Variants in PRKCE observed in about 807,000 individuals in gnomAD.
The protein encoded by PRKCE is protein kinase C epsilon type.
Under a neutral mutation model 85.4 loss-of-function variants are expected in PRKCE, and 16 were observed. That is an observed-to-expected ratio of 0.19 (90% CI 0.13 to 0.28). The LOEUF (loss-of-function observed/expected upper bound fraction) is 0.28, where lower values mean the gene tolerates loss of function less well. Among genes scored for constraint, PRKCE ranks in the 10% least tolerant of loss-of-function variants. The pLI, the probability that PRKCE is intolerant of heterozygous loss-of-function variation, is 1.00. For synonymous variants in PRKCE, 388 were observed against 371.5 expected (o/e 1.04, Z -0.51); for missense variants, 573 against 975.2 (o/e 0.59, Z 5.49).
intron 2 of PRKCE, among the ~76,000 whole-genome samples, chr2:45,946,878 T>C (rs2104289011): frequency 6.6e-6 from 1 of 152,374 alleles, no homozygotes; most frequent in East Asian, 1.9e-4. Flanking sequence ...TAACTGTGCA[T>C]ATGTAAAGTC....
intron 1 of PRKCE, among the ~76,000 whole-genome samples, chr2:45,815,446 C>A (rs539584876): frequency 6.6e-6 from 1 of 152,302 alleles, no homozygotes; most frequent in Admixed American, 6.5e-5. Context: ...TTGTGTCCTA[C>A]ATTCCCCTAT....
rs537532186 is a variant in PRKCE at position 45,883,005 on chromosome 2, C to T, written c.412+39942C>T. Among the ~76,000 whole-genome samples, 107 of 152,358 alleles carry T rather than the reference C, an allele frequency of 7.0e-4. No individual in the cohort carries two copies. In the South Asian group the frequency reaches 0.02, roughly 29 times the overall value. Reference sequence around the variant, plus strand: ...CACTCCCCGCAGCAATGAGTGGCGACGGCCAGTCGCTACTCAAATACTTGG... The same window carrying T: ...CACTCCCCGCAGCAATGAGTGGCGATGGCCAGTCGCTACTCAAATACTTGG... On this transcript the variant is annotated intron_variant, in intron 2 of 14. Transcript: ENST00000306156.
At chr2:46,081,260 C>T (rs1286725083) in intron 10 of PRKCE, among the ~76,000 whole-genome samples, 1 of 152,214 alleles carries the variant, frequency 6.6e-6, no homozygotes, top group Non-Finnish European at 1.5e-5. Flanking sequence ...CAGGCATGAG[C>T]CACCACACCT....
intron 2 of PRKCE, among the ~76,000 whole-genome samples, chr2:45,885,693 A>G (rs986926044): frequency 6.6e-6 from 1 of 152,206 alleles, no homozygotes; most frequent in South Asian, 2.1e-4. Flanking sequence ...CAAAGCAAAC[A>G]CTTCATCCTA....
intron 10 of PRKCE, 27 bp from the exon 11 acceptor site, chr2:46,086,181 A>T (rs780001728): frequency 3.3e-5 from 52 of 1,598,002 alleles, no homozygotes; most frequent in Non-Finnish European, 4.4e-5. Context: ...CAAATGACCC[A>T]AATGGCATTT....
chr2:45,980,654 T>C lies in PRKCE; in HGVS notation c.693+273T>C, dbSNP rs528109404. Among the ~76,000 whole-genome samples the C allele has an allele frequency of 9.9e-5, 15 of 152,258 alleles. No individual in the cohort carries two copies. The South Asian group carries it at 2.9e-3, about 29-fold the overall frequency. On this transcript the variant is annotated intron_variant, in intron 5 of 14. Transcript: ENST00000306156. ...GCCCACAAGAAAAATATGAATTCTT[T>C]TATTGCATCATCTCATCAGAACTAA...
At position 46,120,769 on chromosome 2, in the gene PRKCE, A is replaced by G. The variant is rs74909957; in HGVS notation, c.1593-24324A>G. Among the ~76,000 whole-genome samples the G allele has an allele frequency of 5.6e-3, 860 of 152,304 alleles. 10 individuals carry two copies. Among genetic ancestry groups the G allele is most frequent in the African/African-American group, 0.02 (818 of 41,564 alleles). On this transcript the variant is annotated intron_variant, in intron 11 of 14. Transcript: ENST00000306156. ...CTCAGATTGTATTGACCTTTCTTTC[A>G]AAGGATGCCACCCATGTTTCAAAAA... is the stretch of plus-strand genomic sequence containing the variant.
chr2:46,027,207 C>T (rs1383514965), intron 10 of PRKCE, among the ~76,000 whole-genome samples: 1 of 152,084 alleles, frequency 6.6e-6, no homozygotes, highest in African/African-American at 2.4e-5. Flanking sequence ...TGGTGGCACA[C>T]ACCTGTAGTC....
chr2:46,047,451 G>T (rs1001563720), intron 10 of PRKCE, among the ~76,000 whole-genome samples: 2 of 152,226 alleles, frequency 1.3e-5, no homozygotes, highest in African/African-American at 4.8e-5. Flanking sequence ...GTTCTGGGAG[G>T]TGATTGTACC....
At chr2:45,923,310 G>C (rs1698389336) in intron 2 of PRKCE, among the ~76,000 whole-genome samples, 3 of 152,196 alleles carry the variant, frequency 2.0e-5, no homozygotes, top group African/African-American at 2.4e-5. Flanking sequence ...ATAGGAGATG[G>C]GAGTGTGGAG....
intron 1 of PRKCE, among the ~76,000 whole-genome samples, chr2:45,770,250 T>A (rs755096305): frequency 3.9e-5 from 6 of 152,122 alleles, no homozygotes; most frequent in African/African-American, 9.7e-5. Flanking sequence ...TGCAGACTGG[T>A]CAGGGACAAT....
At chr2:46,066,057 A>G (rs1399068326) in intron 10 of PRKCE, among the ~76,000 whole-genome samples, 1 of 152,246 alleles carries the variant, frequency 6.6e-6, no homozygotes, top group Non-Finnish European at 1.5e-5. Flanking sequence ...GGATGCTGAC[A>G]GTCCAACTGT....
chr2:45,709,126 T>A (rs184109222), intron 1 of PRKCE, among the ~76,000 whole-genome samples: 1 of 152,360 alleles, frequency 6.6e-6, no homozygotes, highest in African/African-American at 2.4e-5. Flanking sequence ...TGGAGCTGCC[T>A]CTGGGTGTGA....
intron 1 of PRKCE, among the ~76,000 whole-genome samples, chr2:45,828,119 T>G (rs1690103166): frequency 6.6e-6 from 1 of 152,362 alleles, no homozygotes; most frequent in East Asian, 1.9e-4. Context: ...TATGACAGTT[T>G]GTTACATGAA....
chr2:45,984,755 A>T (rs1644827217), intron 6 of PRKCE, 75 bp downstream of exon 6: 1 of 1,534,564 alleles, frequency 6.5e-7, no homozygotes, highest in Non-Finnish European at 8.8e-7. Context: ...CCTGCTTTAT[A>T]AAAAACCCTT....
intron 14 of PRKCE, among the ~76,000 whole-genome samples, chr2:46,183,601 C>A (rs1680207432): frequency 6.6e-6 from 1 of 152,180 alleles, no homozygotes. Flanking sequence ...TGGACTCCAG[C>A]CCTAACTCCC....
At position 46,185,649 on chromosome 2, in the gene PRKCE, T is replaced by C. The variant is rs1680397446; in HGVS notation, c.*768T>C. On this transcript the variant is annotated 3_prime_UTR_variant, in exon 15 of 15. Coordinates refer to ENST00000306156, the MANE Select transcript of PRKCE (RefSeq NM_005400.3). This position sits in a 1 kb window ranked among gnomAD's most constrained non-coding sequence, Gnocchi z 4.7. ...GAGTTCCAGTCTGAATACAGGTAGA[T>C]ATTAAAGGGCTAATAAAAAATGAGA... 1.3e-5 allele frequency: 2 copies of C among 152,620 alleles called. No individual in the cohort carries two copies. The highest frequency in any genetic ancestry group is 6.5e-5 in the Admixed American group (1 of 15,290). The allele number at this position is 152,620 out of a possible 1,614,324, so 9.5% of individuals were successfully genotyped here.
At position 46,185,077 on chromosome 2, in the gene PRKCE, G is replaced by T. The variant is rs755892491; in HGVS notation, c.*196G>T. 1.2e-4 allele frequency: 81 copies of T among 666,088 alleles called. 1 individual carries two copies. In the East Asian group the frequency reaches 1.8e-3, roughly 15 times the overall value. 41.3% of individuals were successfully genotyped at this position (666,088 alleles called of 1,614,324 possible). On this transcript the variant is annotated 3_prime_UTR_variant, in exon 15 of 15. Coordinates refer to ENST00000306156, the MANE Select transcript of PRKCE (RefSeq NM_005400.3). This position sits in a 1 kb window ranked among gnomAD's most constrained non-coding sequence, Gnocchi z 4.7. ...CACCTGGTGACCAGAAGGCGCTCTC[G>T]GTTCTTGTCTCACCAGTAATGCAGA...
In PRKCE at chr2:46,186,966, G is replaced by A. The variant is rs1442823774; in HGVS notation, c.*2085G>A. ...CATACCAGTGAATGATGAAGAACATGAGATTAATTTAATTTATCTTCGGTA... is the reference window on the plus strand; with the variant it reads ...CATACCAGTGAATGATGAAGAACATAAGATTAATTTAATTTATCTTCGGTA... On this transcript the variant is annotated 3_prime_UTR_variant, in exon 15 of 15. Transcript: ENST00000306156. The A allele has an allele frequency of 6.6e-6, 1 of 152,360 alleles. No homozygotes were observed. Among genetic ancestry groups the A allele is most frequent in the Non-Finnish European group, 1.5e-5 (1 of 67,998 alleles). The allele number at this position is 152,360 out of a possible 1,614,324, so 9.4% of individuals were successfully genotyped here. A position where few individuals can be genotyped will look rare whatever the true frequency, so the allele number is the denominator to read the frequency against.
Sources: allele counts gnomAD v4.1 joint callset (sites outside exome capture counted in the v4.1 genomes callset), GRCh38; gene constraint gnomAD v4.1.1; non-coding constraint Gnocchi (gnomAD v3.1); transcripts MANE v1.5; gene names NCBI Gene and HGNC (gene_info 2026-07-23, HGNC 2026-07-21).